The following MGME1 variants were observed in gnomAD, a reference collection of about 807,000 sequenced individuals.
The protein encoded by MGME1 is chromosome 20 open reading frame 72.
In MGME1, 22 loss-of-function variants were observed where a neutral mutation model predicts 33.0. That is an observed-to-expected ratio of 0.67 (90% CI 0.48 to 0.95). The LOEUF is 0.95. Ranked by LOEUF, MGME1 falls within the 40% of genes least tolerant of loss-of-function variation. MGME1 has a pLI of 0.00. For synonymous variants in MGME1, 133 were observed against 144.0 expected (o/e 0.92, Z 0.55); for missense variants, 383 against 397.8 (o/e 0.96, Z 0.32).
rs1245875583 is a variant in MGME1, at chr20:17,991,112, T to C, written c.*1003T>C. On this transcript the variant is annotated 3_prime_UTR_variant, in exon 5 of 5. Transcript: ENST00000377710. ...TTCATAAGAAATAAAATACAAGATA[T>C]GAGTAATGAAGCTTTGGTTTTGTTT... 1 of 152,328 alleles carries C rather than the reference T, an allele frequency of 6.6e-6. No homozygotes were observed. The highest frequency in any genetic ancestry group is 3.4e-3 in the Middle Eastern group (1 of 294). 9.4% of individuals were successfully genotyped at this position (152,328 alleles called of 1,614,324 possible). A position where few individuals can be genotyped will look rare whatever the true frequency, so the allele number is the denominator to read the frequency against.
rs1160124819 is a variant in MGME1, at chr20:17,990,126, T to A, written c.*17T>A. 1 of 1,612,482 alleles carries A rather than the reference T, an allele frequency of 6.2e-7. No homozygotes were observed. Among genetic ancestry groups the A allele is most frequent in the East Asian group, 2.2e-5 (1 of 44,876 alleles). On this transcript the variant is annotated 3_prime_UTR_variant, in exon 5 of 5. Transcript: ENST00000377710. ...TCAGAATAGGGAGCAAGTTGCTATTTGGGAACATTCAGCACCTTCTCACAG... is the reference window on the plus strand; with the variant it reads ...TCAGAATAGGGAGCAAGTTGCTATTAGGGAACATTCAGCACCTTCTCACAG...
intron 3 of MGME1, among the ~76,000 whole-genome samples, chr20:17,983,283 G>GTGTA (rs2036079138): frequency 6.6e-6 from 1 of 151,806 alleles, no homozygotes; most frequent in African/African-American, 2.4e-5. Flanking sequence ...GTGTGTGTGT[G>GTGTA]TGTGTGTGTG....
chr20:17,989,221 A>G (rs1200856409), intron 4 of MGME1, among the ~76,000 whole-genome samples: 1 of 151,680 alleles, frequency 6.6e-6, no homozygotes, highest in Non-Finnish European at 1.5e-5. Flanking sequence ...CCCTGTCTCT[A>G]CTAAAAATAC....
intron 4 of MGME1, among the ~76,000 whole-genome samples, chr20:17,988,965 A>G (rs573484646): frequency 1.4e-4 from 22 of 152,016 alleles, no homozygotes; most frequent in African/African-American, 5.3e-4. Flanking sequence ...GGTGGCGCAC[A>G]CTTGTGCCAG....
chr20:17,974,059 GTGTTTTT>G (rs2035795596), intron 2 of MGME1, among the ~76,000 whole-genome samples: 1 of 101,256 alleles, frequency 9.9e-6, no homozygotes, highest in African/African-American at 4.0e-5. Flanking sequence ...GTCTCTTTGT[GTGTTTTT>G]TTTTTTTTTT....
intron 2 of MGME1, among the ~76,000 whole-genome samples, chr20:17,974,568 A>AAT (rs1215565847): frequency 6.6e-6 from 1 of 152,198 alleles, no homozygotes. Context: ...ATACAGGAAA[A>AAT]ATAATGTGTC....
intron 3 of MGME1, among the ~76,000 whole-genome samples, chr20:17,985,741 T>C (rs1229798521): frequency 2.0e-5 from 3 of 152,186 alleles, no homozygotes; most frequent in African/African-American, 4.8e-5. Context: ...CTTACCATTG[T>C]GTTATAGTTG....
At chr20:17,974,000 T>TCTCTC (rs1255905462) in intron 2 of MGME1, among the ~76,000 whole-genome samples, 1 of 152,016 alleles carries the variant, frequency 6.6e-6, no homozygotes, top group African/African-American at 2.4e-5. Flanking sequence ...CCCCCCTCTT[T>TCTCTC]CTCTCCTCTT....
chr20:17,974,038 G>A (rs1439944493), intron 2 of MGME1, among the ~76,000 whole-genome samples: 3 of 139,396 alleles, frequency 2.2e-5, no homozygotes, highest in Admixed American at 7.1e-5. Context: ...TATATTTCTT[G>A]TGTTTGTTGA....
chr20:17,975,210 T>C (rs1038374451), intron 2 of MGME1, among the ~76,000 whole-genome samples: 10 of 152,176 alleles, frequency 6.6e-5, no homozygotes, highest in Admixed American at 1.3e-4. Flanking sequence ...AGTATATTCT[T>C]AGGTTTCACA....
chr20:17,977,545 G>T (rs2035899625), intron 3 of MGME1, among the ~76,000 whole-genome samples: 2 of 152,130 alleles, frequency 1.3e-5, no homozygotes, highest in Admixed American at 6.6e-5. Flanking sequence ...TAAGTACAGT[G>T]CTCATATATA....
intron 3 of MGME1, among the ~76,000 whole-genome samples, chr20:17,981,696 G>A (rs375151937): frequency 2.3e-4 from 32 of 140,300 alleles, no homozygotes; most frequent in African/African-American, 8.5e-4. Context: ...TCAGAGTCTC[G>A]CTCTATTGCC....
Position 17,970,113 on chromosome 20 carries a change from A to G in MGME1, c.254A>G (p.His85Arg). 1.2e-6 allele frequency: 2 copies of G among 1,614,262 alleles called. No individual in the cohort carries two copies. Among genetic ancestry groups the G allele is most frequent in the Non-Finnish European group, 1.7e-6 (2 of 1,180,046 alleles). ...DALLCGPVSK[H>R]KLPNQGEDRR... ...TTGCTCTGTGGACCCGTGAGCAAGCATAAGCTGCCAAACCAAGGTGAGGAC... is the reference window on the plus strand; with the variant it reads ...TTGCTCTGTGGACCCGTGAGCAAGCGTAAGCTGCCAAACCAAGGTGAGGAC... Residue 85 changes from histidine to arginine, a missense_variant, in exon 2 of 5, where the codon CAT becomes CGT. Physicochemically the swap from His to Arg is conservative, Grantham distance 29. Coordinates refer to ENST00000377710, the MANE Select transcript of MGME1 (RefSeq NM_052865.4).
chr20:17,978,857 C>T (rs1416634911), intron 3 of MGME1, among the ~76,000 whole-genome samples: 3 of 151,964 alleles, frequency 2.0e-5, no homozygotes, highest in Admixed American at 1.3e-4. Flanking sequence ...TTCACTGCAA[C>T]CTCTGCCTCC....
chr20:17,972,159 G>C (rs1458694626), intron 2 of MGME1, among the ~76,000 whole-genome samples: 1 of 152,138 alleles, frequency 6.6e-6, no homozygotes. Context: ...CGGGTCTGGA[G>C]GATACTGGAT....
chr20:17,970,477 G>C, intron 2 of MGME1, 107 bp downstream of exon 2: 1 of 1,113,214 alleles, frequency 9.0e-7, no homozygotes, highest in Non-Finnish European at 1.3e-6. Context: ...TTACTAGCAA[G>C]GAACTCCCTT....
At chr20:17,972,628 T>A in intron 2 of MGME1, 2 of 975,260 alleles carry the variant, frequency 2.1e-6, no homozygotes, top group Non-Finnish European at 2.4e-6. Context: ...GTGAATATTC[T>A]TGGATCATTT....
Position 17,975,564 on chromosome 20 carries a change from A to G in MGME1, c.512-120A>G, listed in dbSNP as rs149205757. On this transcript the variant is annotated intron_variant, in intron 2 of 4. Transcript: ENST00000377710. ...GAGGGAGACTCCATCCAAAAAAAAA[A>G]AAAAGAAAAAAAAATGTCATTTTTA... The G allele has an allele frequency of 1.6e-3, 1,300 of 805,152 alleles. 16 individuals are homozygous for G. In the African/African-American group the frequency reaches 0.021, roughly 13 times the overall value. 49.9% of individuals were successfully genotyped at this position (805,152 alleles called of 1,614,324 possible). A position where few individuals can be genotyped will look rare whatever the true frequency, so the allele number is the denominator to read the frequency against.
Position 17,990,420 on chromosome 20 carries a change from G to GT in MGME1, c.*311_*312insT. On this transcript the variant is annotated 3_prime_UTR_variant, in exon 5 of 5. Transcript: ENST00000377710. ...TCCCTTGAGGGACATTGGGGGGGGG[G>GT]GGGCGTGGTCCCAGGCAGGATGCCC... The GT allele has an allele frequency of 3.1e-6, 1 of 324,082 alleles. No homozygotes were observed. The highest frequency in any genetic ancestry group is 3.6e-5 in the South Asian group (1 of 28,010). 20.1% of individuals were successfully genotyped at this position (324,082 alleles called of 1,614,324 possible).
Sources: gnomAD v4.1 joint callset for allele counts (sites outside exome capture counted in the v4.1 genomes callset) on GRCh38, gnomAD v4.1.1 for gene constraint, MANE v1.5 for transcripts, NCBI Gene and HGNC (gene_info 2026-07-23, HGNC 2026-07-21) for gene names.